PCDHGA5: variants seen among roughly 807,000 people sequenced by gnomAD.
PCDHGA5 encodes protocadherin gamma-A5.
PCDHGA5 carries 36 observed loss-of-function variants against 56.7 expected under a neutral mutation model. That is an observed-to-expected ratio of 0.64 (90% CI 0.49 to 0.84). The LOEUF is 0.84. Ranked by LOEUF, PCDHGA5 falls within the 40% of genes least tolerant of loss-of-function variation. The pLI is 0.00. For synonymous variants in PCDHGA5, 563 were observed against 520.2 expected (o/e 1.08, Z -1.12); for missense variants, 1,305 against 1,201.5 (o/e 1.09, Z -1.27).
chr5:141,364,618 C>T lies in PCDHGA5; in HGVS notation c.288C>T (p.Cys96=), dbSNP rs373148081. 2 of 1,614,140 alleles carry T rather than the reference C, an allele frequency of 1.2e-6. No homozygotes were observed. Among genetic ancestry groups the T allele is most frequent in the African/African-American group, 2.7e-5 (2 of 75,068 alleles). ...GCAGGATAGACCGGGAGGAGCTCTG[C>T]GCTCAGAGCCCACTGTGTGTGGTGA... The part of the protein sequence containing the change: ...TAGRIDREEL[C]AQSPLCVVNF... The change falls in exon 1 of 4, where the codon TGC becomes TGT. Residue 96 remains cysteine, a synonymous_variant. Coordinates refer to ENST00000518069, the MANE Select transcript of PCDHGA5 (RefSeq NM_018918.3).
At chr5:141,396,821 G>A (rs934244827) in intron 1 of PCDHGA5, among the ~76,000 whole-genome samples, 5 of 152,314 alleles carry the variant, frequency 3.3e-5, no homozygotes, top group Middle Eastern at 3.4e-3. Context: ...ACTGTATGGT[G>A]CATATTCAGT....
At chr5:141,428,187 C>A in intron 1 of PCDHGA5, 1 of 1,439,502 alleles carries the variant, frequency 6.9e-7, no homozygotes, top group Non-Finnish European at 9.6e-7. Flanking sequence ...GGACAGCCGC[C>A]GCTCTCTGCG....
Position 141,512,559 on chromosome 5 carries a change from C to T in PCDHGA5, c.*1386C>T, listed in dbSNP as rs1396321304. The T allele has an allele frequency of 6.5e-6, 1 of 152,904 alleles. No individual in the cohort carries two copies. The highest frequency in any genetic ancestry group is 1.5e-5 in the Non-Finnish European group (1 of 68,438). The allele number at this position is 152,904 out of a possible 1,614,324, so 9.5% of individuals were successfully genotyped here. ...CCCCAGTGCCTCCTTGTGCATAGAC[C>T]TTCTTCTCCCACCCCCTTCTGCCCC... On this transcript the variant is annotated 3_prime_UTR_variant, in exon 4 of 4. Coordinates refer to ENST00000518069, the MANE Select transcript of PCDHGA5 (RefSeq NM_018918.3).
chr5:141,390,679 C>T (rs1180129734), intron 1 of PCDHGA5: 1 of 185,884 alleles, frequency 5.4e-6, no homozygotes, highest in Non-Finnish European at 1.1e-5. Flanking sequence ...AATAATAAAG[C>T]CAAAGAATTT....
intron 1 of PCDHGA5, chr5:141,388,337 A>G (rs1256150334): frequency 6.2e-7 from 1 of 1,613,990 alleles, no homozygotes; most frequent in Non-Finnish European, 8.5e-7. Context: ...CTGGCACACG[A>G]TTTATATTAG....
At position 141,485,133 on chromosome 5, in the gene PCDHGA5, C is replaced by A; in HGVS notation, c.2422-9674C>A. On this transcript the variant is annotated intron_variant, in intron 1 of 3. Transcript: ENST00000518069. The surrounding 1 kb of genome is among the most constrained non-coding windows in gnomAD (Gnocchi z 5.7). Reference sequence around the variant, plus strand: ...GCTGTTTGGGGCGGGTCGGCTTCATCCGCGTCTCAGGAGCAAGTAGAGAAT... The same window carrying A: ...GCTGTTTGGGGCGGGTCGGCTTCATACGCGTCTCAGGAGCAAGTAGAGAAT... The A allele has an allele frequency of 2.7e-6, 4 of 1,492,492 alleles. No homozygotes were observed. The highest frequency in any genetic ancestry group is 1.7e-5 in the Admixed American group (1 of 58,334). The allele number at this position is 1,492,492 out of a possible 1,614,324, so 92.5% of individuals were successfully genotyped here.
In PCDHGA5 at chr5:141,388,651, A is replaced by G. The variant is rs186708822; in HGVS notation, c.2421+21900A>G. ...AGGGTGAGCCTTTCAGAAAACGTGT[A>G]CCCGGGGACCACGGTGCTACAGGTG... On this transcript the variant is annotated intron_variant, in intron 1 of 3. Transcript: ENST00000518069. 300 of 1,613,838 alleles carry G rather than the reference A, an allele frequency of 1.9e-4. 1 individual carries two copies. Among genetic ancestry groups the G allele is most frequent in the Admixed American group, 9.7e-4 (58 of 60,020 alleles).
Position 141,366,302 on chromosome 5 carries a change from TTCACGG to T in PCDHGA5, c.1977_1982del (p.Thr661_Val662del). The stretch of plus-strand genomic sequence containing the variant: ...TGGCCAGCCCCCTCTGTCAGCCACC[TTCACGG>T]TCACCGTTGCCGTGGCCGACAGGAT... On this transcript the variant is annotated inframe_deletion, in exon 1 of 4. Coordinates refer to ENST00000518069, the MANE Select transcript of PCDHGA5 (RefSeq NM_018918.3). The T allele has an allele frequency of 6.2e-7, 1 of 1,613,768 alleles. No individual in the cohort carries two copies. The highest frequency in any genetic ancestry group is 8.5e-7 in the Non-Finnish European group (1 of 1,179,992).
At chr5:141,467,628 C>G (rs181245841) in intron 1 of PCDHGA5, among the ~76,000 whole-genome samples, 49 of 152,224 alleles carry the variant, frequency 3.2e-4, no homozygotes, top group African/African-American at 1.1e-3. Context: ...TTTGAGATAG[C>G]ATCTTTATCA....
intron 1 of PCDHGA5, chr5:141,399,723 C>T: frequency 6.2e-7 from 1 of 1,613,322 alleles, no homozygotes; most frequent in Non-Finnish European, 8.5e-7. Flanking sequence ...AGGCCCGCGA[C>T]CAGGGCTCGC....
chr5:141,409,628 G>T (rs367728235), intron 1 of PCDHGA5: 1 of 1,613,848 alleles, frequency 6.2e-7, no homozygotes. Flanking sequence ...GCAAGTGAGC[G>T]CCTCTGACCC....
At chr5:141,418,343 A>G in intron 1 of PCDHGA5, 1 of 1,614,010 alleles carries the variant, frequency 6.2e-7, no homozygotes, top group Non-Finnish European at 8.5e-7. Flanking sequence ...AGATCCTGAT[A>G]TTAGTATGAA....
Position 141,476,845 on chromosome 5 carries a change from C to T in PCDHGA5, c.2422-17962C>T. On this transcript the variant is annotated intron_variant, in intron 1 of 3. Transcript: ENST00000518069. The surrounding 1 kb of genome is among the most constrained non-coding windows in gnomAD (Gnocchi z 7.6). ...TGGACGCGAATGACAATGCGCCTGT[C>T]TTCAACCAGTCCTTGTACCGGGCGC... 1 of 1,613,794 alleles carries T rather than the reference C, an allele frequency of 6.2e-7. No homozygotes were observed. Among genetic ancestry groups the T allele is most frequent in the Non-Finnish European group, 8.5e-7 (1 of 1,180,054 alleles).
chr5:141,494,074 C>A (rs2099751716), intron 1 of PCDHGA5, among the ~76,000 whole-genome samples: 1 of 152,180 alleles, frequency 6.6e-6, no homozygotes, highest in Non-Finnish European at 1.5e-5. Context: ...GGATCCCTCC[C>A]CGCTGCATCC....
chr5:141,435,593 G>T (rs183768133), intron 1 of PCDHGA5, among the ~76,000 whole-genome samples: 1 of 152,112 alleles, frequency 6.6e-6, no homozygotes, highest in East Asian at 1.9e-4. Flanking sequence ...CAGTAATATC[G>T]CCTGCTTTTT....
rs754610588 is a variant in PCDHGA5, at chr5:141,384,105, T to C, written c.2421+17354T>C. 31 of 1,601,620 alleles carry C rather than the reference T, an allele frequency of 1.9e-5. No individual in the cohort carries two copies. The East Asian group carries it at 2.5e-4, about 13-fold the overall frequency. ...TAGAAAAATCAATAGATAATTATTA[T>C]AGATTGGTCACAACCAAAAACTTGG... On this transcript the variant is annotated intron_variant, in intron 1 of 3. Transcript: ENST00000518069.
chr5:141,415,432 T>G, intron 1 of PCDHGA5: 1 of 1,614,222 alleles, frequency 6.2e-7, no homozygotes, highest in East Asian at 2.2e-5. Flanking sequence ...GGTTCGGGCT[T>G]TCCTGCAGAC....
At chr5:141,389,466 C>T (rs760000487) in intron 1 of PCDHGA5, 1 of 1,613,330 alleles carries the variant, frequency 6.2e-7, no homozygotes, top group East Asian at 2.2e-5. Flanking sequence ...CGCCTTCGAA[C>T]TCACACTGCA....
chr5:141,388,161 G>A (rs2150354529), intron 1 of PCDHGA5: 4 of 1,475,088 alleles, frequency 2.7e-6, no homozygotes, highest in South Asian at 1.2e-5. Flanking sequence ...GCTAGACAGG[G>A]AGGAGATATG....
Sources: allele counts gnomAD v4.1 joint callset (sites outside exome capture counted in the v4.1 genomes callset), GRCh38; gene constraint gnomAD v4.1.1; non-coding constraint Gnocchi (gnomAD v3.1); transcripts MANE v1.5; gene names NCBI Gene and HGNC (gene_info 2026-07-23, HGNC 2026-07-21).